JAM2: variants seen among roughly 807,000 people sequenced by gnomAD.
The protein encoded by JAM2 is junctional adhesion molecule 2, also known as junctional adhesion molecule B.
Under a neutral mutation model 42.0 loss-of-function variants are expected in JAM2, and 17 were observed. The observed-to-expected ratio is 0.40, with a 90% CI of 0.28 to 0.61. The LOEUF is 0.61. Among genes scored for constraint, JAM2 ranks in the 20% least tolerant of loss-of-function variants. The pLI is 0.37. For synonymous variants in JAM2, 118 were observed against 128.6 expected (o/e 0.92, Z 0.56); for missense variants, 319 against 358.3 (o/e 0.89, Z 0.89).
intron 4 of JAM2, 90 bp downstream of exon 4, chr21:25,693,998 C>A: frequency 8.1e-7 from 1 of 1,237,620 alleles, no homozygotes; most frequent in Non-Finnish European, 1.1e-6. Flanking sequence ...CATAAACATG[C>A]CAGCATCAAC....
At chr21:25,675,855 A>G (rs1399141673) in intron 1 of JAM2, among the ~76,000 whole-genome samples, 1 of 152,206 alleles carries the variant, frequency 6.6e-6, no homozygotes, top group Non-Finnish European at 1.5e-5. Flanking sequence ...ATATCAGTAT[A>G]ATAATTGTCT....
intron 1 of JAM2, among the ~76,000 whole-genome samples, chr21:25,674,163 G>A (rs2033428794): frequency 6.6e-6 from 1 of 152,188 alleles, no homozygotes; most frequent in Non-Finnish European, 1.5e-5. Context: ...GGAGGCCTAG[G>A]TAGGTGGATC....
rs1446201887 is a variant in JAM2 at position 25,715,365 on chromosome 21, C to T, written c.*693C>T. On this transcript the variant is annotated 3_prime_UTR_variant, in exon 10 of 10. Transcript: ENST00000480456. ...CGTAATTTAGATGGTCAAACACAAA[C>T]CCAAGTGGCTTATTTCACCCCTACT... 6.6e-6 allele frequency: 1 copy of T among 152,210 alleles called. No individual in the cohort carries two copies. The allele number at this position is 152,210 out of a possible 1,614,324, so 9.4% of individuals were successfully genotyped here. A position where few individuals can be genotyped will look rare whatever the true frequency, so the allele number is the denominator to read the frequency against.
chr21:25,673,723 C>T (rs910721740), intron 1 of JAM2, among the ~76,000 whole-genome samples: 2 of 152,202 alleles, frequency 1.3e-5, no homozygotes, highest in Non-Finnish European at 2.9e-5. Context: ...GACATCTTGG[C>T]TTCCCTGCTT....
intron 2 of JAM2, among the ~76,000 whole-genome samples, chr21:25,687,398 A>C (rs183838864): frequency 3.9e-5 from 6 of 152,358 alleles, no homozygotes; most frequent in Admixed American, 3.3e-4. Flanking sequence ...CTAACTCTGA[A>C]GCCTCTGCTA....
In JAM2 at chr21:25,639,826, C is replaced by A. The variant is rs771914910; in HGVS notation, c.5C>A (p.Ala2Glu). The A allele has an allele frequency of 2.5e-6, 4 of 1,582,604 alleles. No homozygotes were observed. Among genetic ancestry groups the A allele is most frequent in the Non-Finnish European group, 2.6e-6 (3 of 1,167,382 alleles). ...GCCGGCTGCCGCCCCGGGAAGATGG[C>A]GAGGAGGAGCCGCCACCGCCTCCTC... M[A>E]RRSRHRLLLL... The change falls in exon 1 of 10, where the codon GCG (alanine) becomes GAG (glutamate). Residue 2 changes from alanine (A) to glutamate (E), a missense_variant. Physicochemically the swap from Ala to Glu is moderately radical, Grantham distance 107. Transcript: ENST00000480456.
chr21:25,641,748 C>T (rs954854662), intron 1 of JAM2, among the ~76,000 whole-genome samples: 1 of 152,168 alleles, frequency 6.6e-6, no homozygotes, highest in Non-Finnish European at 1.5e-5. Flanking sequence ...AAATTTCCTT[C>T]ATTCTTACCT....
intron 6 of JAM2, among the ~76,000 whole-genome samples, chr21:25,702,559 TA>T (rs1241405042): frequency 6.6e-6 from 1 of 152,202 alleles, no homozygotes; most frequent in Non-Finnish European, 1.5e-5. Flanking sequence ...TTCTCTCAAA[TA>T]AAAGCTAAGT....
At position 25,639,673 on chromosome 21, in the gene JAM2, A is replaced by G. The variant is rs138081609; in HGVS notation, c.-149A>G. On this transcript the variant is annotated 5_prime_UTR_variant, in exon 1 of 10. Transcript: ENST00000480456. ...AGGCGCCCCGGGGAGGGGGAAACTG[A>G]CATCCCATCTAGAGCCGTCCCTCCT... The G allele has an allele frequency of 9.6e-4, 508 of 528,926 alleles. 2 individuals are homozygous for G. The highest frequency in any genetic ancestry group is 9.1e-3 in the African/African-American group (450 of 49,542). The allele number at this position is 528,926 out of a possible 1,614,324, so 32.8% of individuals were successfully genotyped here.
At chr21:25,693,343 C>A (rs530142930) in intron 3 of JAM2, among the ~76,000 whole-genome samples, 1 of 151,772 alleles carries the variant, frequency 6.6e-6, no homozygotes, top group Non-Finnish European at 1.5e-5. Context: ...CTGCAGCCTC[C>A]GCCTCCTGGG....
At chr21:25,710,198 A>G (rs1057155241) in intron 8 of JAM2, 1 of 152,194 alleles carries the variant, frequency 6.6e-6, no homozygotes, top group Admixed American at 6.5e-5. Context: ...GTATTTTGCT[A>G]AATTGAAAAT....
chr21:25,698,795 T>C lies in JAM2; in HGVS notation c.513T>C (p.Asp171=). ...NPAPEYTWFK[D]GIRLLENPRL... ...CTCCTGAATACACATGGTTTAAGGATGGCATCCGTTTGCTAGAAAATCCCA... is the reference window on the plus strand; with the variant it reads ...CTCCTGAATACACATGGTTTAAGGACGGCATCCGTTTGCTAGAAAATCCCA... The change falls in exon 5 of 10, where the codon GAT becomes GAC. Residue 171 remains aspartate (D), a synonymous_variant. Coordinates refer to ENST00000480456, the MANE Select transcript of JAM2 (RefSeq NM_021219.4). The C allele has an allele frequency of 6.2e-7, 1 of 1,614,170 alleles. No homozygotes were observed. The highest frequency in any genetic ancestry group is 8.5e-7 in the Non-Finnish European group (1 of 1,180,010).
intron 1 of JAM2, among the ~76,000 whole-genome samples, chr21:25,659,611 A>G (rs749153582): frequency 1.3e-5 from 2 of 152,182 alleles, no homozygotes; most frequent in Non-Finnish European, 2.9e-5. Context: ...TTTAATTAAT[A>G]TGAGACTTTT....
intron 1 of JAM2, among the ~76,000 whole-genome samples, chr21:25,681,145 A>G (rs1249634969): frequency 2.0e-5 from 3 of 152,246 alleles, no homozygotes; most frequent in Admixed American, 6.5e-5. Context: ...TTAGATTTTC[A>G]TGATAGGCTT....
chr21:25,684,161 C>T (rs1376612394), intron 2 of JAM2, among the ~76,000 whole-genome samples: 2 of 152,182 alleles, frequency 1.3e-5, no homozygotes, highest in East Asian at 3.9e-4. Flanking sequence ...ACCGGATGTG[C>T]AAAGAAGGTC....
chr21:25,660,952 GC>G (rs2033072746), intron 1 of JAM2, among the ~76,000 whole-genome samples: 1 of 149,988 alleles, frequency 6.7e-6, no homozygotes, highest in Non-Finnish European at 1.5e-5. Context: ...TTGCCACCAC[GC>G]CCAGCTAATT....
intron 1 of JAM2, among the ~76,000 whole-genome samples, chr21:25,663,487 A>T (rs2040123): frequency 6.6e-6 from 1 of 152,076 alleles, no homozygotes; most frequent in East Asian, 1.9e-4. Context: ...TAGCAGTATT[A>T]AGAGGTAGGG....
intron 1 of JAM2, among the ~76,000 whole-genome samples, chr21:25,662,048 C>A (rs1039807162): frequency 6.6e-6 from 1 of 151,870 alleles, no homozygotes; most frequent in African/African-American, 2.4e-5. Context: ...TTGAGTTATT[C>A]GGTGTCAAAA....
At chr21:25,709,510 A>G in intron 8 of JAM2, 61 bp downstream of exon 8, 1 of 1,127,534 alleles carries the variant, frequency 8.9e-7, no homozygotes, top group Non-Finnish European at 1.3e-6. Context: ...TCTATTAATC[A>G]TCTGTTTAAA....
Sources: allele counts gnomAD v4.1 joint callset (sites outside exome capture counted in the v4.1 genomes callset), GRCh38; gene constraint gnomAD v4.1.1; transcripts MANE v1.5; gene names NCBI Gene and HGNC (gene_info 2026-07-23, HGNC 2026-07-21).